The following TMC4 variants were observed in gnomAD, a reference collection of about 807,000 sequenced individuals.
The protein encoded by TMC4 is voltage-gated chloride channel TMC4.
TMC4 carries 70 observed loss-of-function variants against 82.0 expected under a neutral mutation model. That is an observed-to-expected ratio of 0.85 (90% confidence interval 0.70 to 1.04). The LOEUF (loss-of-function observed/expected upper bound fraction) is 1.04, where lower values mean the gene tolerates loss of function less well. TMC4 is among the 50% of genes least tolerant of loss of function. The pLI is 0.00. For missense variants in TMC4, 879 were observed against 899.0 expected (o/e 0.98, Z 0.28); for synonymous variants, 446 against 406.0 (o/e 1.10, Z -1.18).
intron 2 of TMC4, among the ~76,000 whole-genome samples, chr19:54,170,326 A>C: frequency 7.9e-6 from 1 of 125,960 alleles, no homozygotes; most frequent in South Asian, 2.7e-4. Context: ...TCAGAGCAAG[A>C]CTCTGTCAAA....
In TMC4 at chr19:54,161,256, G is replaced by T; in HGVS notation, c.1691C>A (p.Thr564Asn). 6.5e-7 allele frequency: 1 copy of T among 1,532,730 alleles called. No homozygotes were observed. The highest frequency in any genetic ancestry group is 8.8e-7 in the Non-Finnish European group (1 of 1,141,376). 94.9% of individuals were successfully genotyped at this position (1,532,730 alleles called of 1,614,324 possible). The change falls in exon 12 of 15, where the codon ACC (threonine) becomes AAC (asparagine). Residue 564 changes from threonine (T) to asparagine (N), a missense_variant. Transcript: ENST00000619895. ...AGCCGGGGAGCAGGTGGAGAAGAGG[G>T]TAAGCTGGTGGGGGAAGGCACGGAG... ...FLLLFYLKKL[T>N]LFSTCSPAAR...
At chr19:54,169,948 A>C (rs2075844029) in intron 2 of TMC4, among the ~76,000 whole-genome samples, 1 of 151,660 alleles carries the variant, frequency 6.6e-6, no homozygotes, top group South Asian at 2.1e-4. Context: ...AAAAAAAAAA[A>C]AAATTAGCTG....
Position 54,163,970 on chromosome 19 carries a change from TC to T in TMC4, c.1114-84del. On this transcript the variant is annotated intron_variant, in intron 7 of 14. Transcript: ENST00000619895. ...GGTCCTCCCCCCGGCCTCTTCTTCT[TC>T]TTCTTCTTTTTTTTTTTTTTTGAGA... is the stretch of plus-strand genomic sequence containing the variant. The T allele has an allele frequency of 3.0e-6, 4 of 1,349,218 alleles. No homozygotes were observed. In the East Asian group the frequency reaches 9.9e-5, roughly 33 times the overall value. 83.6% of individuals were successfully genotyped at this position (1,349,218 alleles called of 1,614,324 possible). A position where few individuals can be genotyped will look rare whatever the true frequency, so the allele number is the denominator to read the frequency against.
intron 9 of TMC4, 123 bp downstream of exon 9, chr19:54,162,910 C>G: frequency 6.4e-7 from 1 of 1,560,824 alleles, no homozygotes; most frequent in Non-Finnish European, 8.8e-7. Context: ...ACTTTCATAC[C>G]CTTGGGAGAG....
rs763462422 is a variant in TMC4, at chr19:54,160,427, A to C, written c.2052+40T>G. ...CAATCCTCTTCCCCAACCCCTTTCC[A>C]TGTTCCCCAGGGGCCCTCTCAGGGA... On this transcript the variant is annotated intron_variant, in intron 14 of 14. Coordinates refer to ENST00000619895, the MANE Select transcript of TMC4 (RefSeq NM_144686.4). 2.7e-5 allele frequency: 44 copies of C among 1,602,952 alleles called. No individual in the cohort carries two copies. In the East Asian group the frequency reaches 9.6e-4, roughly 35 times the overall value.
In TMC4 at chr19:54,162,806, G is replaced by T. The variant is rs1046427191; in HGVS notation, c.1405-36C>A. The T allele has an allele frequency of 3.1e-6, 5 of 1,594,894 alleles. No individual in the cohort carries two copies. The Middle Eastern group carries it at 6.6e-4, about 212-fold the overall frequency. ...AAGAAATATATCAGAAAGAACTCGG[G>T]ACCCGGGCACCTGGAGGCCCACGCG... On this transcript the variant is annotated intron_variant, in intron 9 of 14. Transcript: ENST00000619895.
At chr19:54,172,606 C>T in intron 1 of TMC4, 1 of 296,910 alleles carries the variant, frequency 3.4e-6, no homozygotes. Context: ...AACCAGGTTC[C>T]CAGCCCCTCC....
At position 54,160,330 on chromosome 19, in the gene TMC4, C is replaced by A; in HGVS notation, c.2097G>T (p.Leu699=). 1 of 1,521,842 alleles carries A rather than the reference C, an allele frequency of 6.6e-7. No homozygotes were observed. Among genetic ancestry groups the A allele is most frequent in the South Asian group, 1.3e-5 (1 of 76,740 alleles). The allele number at this position is 1,521,842 out of a possible 1,614,324, so 94.3% of individuals were successfully genotyped here. The part of the protein sequence containing the change: ...KVFLARRAVA[L]TSTKPAL ...GTCAAAGAGCCGGTTTGGTGGAGGT[C>A]AGCGCCACAGCGCGCCGTGCCAGGA... Residue 699 remains leucine, a synonymous_variant, in exon 15 of 15, where the codon CTG becomes CTT. Transcript: ENST00000619895.
At chr19:54,161,350 C>G (rs1206897756) in intron 11 of TMC4, 90 bp from the exon 12 acceptor site, 1 of 1,311,360 alleles carries the variant, frequency 7.6e-7, no homozygotes, top group Admixed American at 3.7e-5. Flanking sequence ...GACAGAGTCT[C>G]GCTCTGTCGC....
At chr19:54,164,198 C>A (rs537162091) in intron 7 of TMC4, among the ~76,000 whole-genome samples, 16 of 152,048 alleles carry the variant, frequency 1.1e-4, no homozygotes, top group Non-Finnish European at 1.9e-4. Context: ...TGGTCTGGAA[C>A]TCCTGACATC....
In TMC4 at chr19:54,162,086, C is replaced by A. The variant is rs1180706629; in HGVS notation, c.1686+16G>T. ...TACCTCCTGCCTCAGACCCAAGGGT[C>A]CCCCCTACCCCTTACCTTCTTCAGG... is the stretch of plus-strand genomic sequence containing the variant. On this transcript the variant is annotated intron_variant, in intron 11 of 14. Coordinates refer to ENST00000619895, the MANE Select transcript of TMC4 (RefSeq NM_144686.4). 37 of 1,595,326 alleles carry A rather than the reference C, an allele frequency of 2.3e-5. No homozygotes were observed. The highest frequency in any genetic ancestry group is 3.1e-5 in the Non-Finnish European group (36 of 1,171,242).
Position 54,161,316 on chromosome 19 carries a change from ATTTTTTTT to A in TMC4, c.1687-64_1687-57del, listed in dbSNP as rs765095573. Reference sequence around the variant, plus strand: ...CTGAAACACAAGAGTCTGTGCCTCCATTTTTTTTTTTTTTTTTTTTTGAGACAGAGTCT... The same window carrying A: ...CTGAAACACAAGAGTCTGTGCCTCCATTTTTTTTTTTTTGAGACAGAGTCT... On this transcript the variant is annotated intron_variant, in intron 11 of 14. Coordinates refer to ENST00000619895, the MANE Select transcript of TMC4 (RefSeq NM_144686.4). 11 of 1,094,156 alleles carry A rather than the reference ATTTTTTTT, an allele frequency of 1.0e-5. No homozygotes were observed. In the Admixed American group the frequency reaches 2.9e-4, roughly 29 times the overall value. 67.8% of individuals were successfully genotyped at this position (1,094,156 alleles called of 1,614,324 possible).
intron 11 of TMC4, 52 bp downstream of exon 11, chr19:54,162,050 G>GCGGGCCCCAATACCTCCTGCCT (rs1269662695): frequency 4.0e-6 from 6 of 1,498,236 alleles, no homozygotes; most frequent in Admixed American, 2.2e-5. Context: ...ACCCAGGAGT[G>GCGGGCCCCAATACCTCCTGCCT]CGGGCCCCAA....
In TMC4 at chr19:54,163,145, C is replaced by T; in HGVS notation, c.1292G>A (p.Arg431His). Reference sequence around the variant, plus strand: ...GAGCAGGACCACCAGGGAGGCGAGGCGAAGAAACACGGTCCTGAAGGGGGG... The same window carrying T: ...GAGCAGGACCACCAGGGAGGCGAGGTGAAGAAACACGGTCCTGAAGGGGGG... The part of the protein sequence containing the change: ...VFILLRTVFL[R>H]LASLVVLLFS... The change falls in exon 9 of 15, where the codon CGC (arginine) becomes CAC (histidine). Residue 431 changes from arginine to histidine, a missense_variant. By Grantham distance (29) the Arg-to-His change is conservative (BLOSUM62 0). Coordinates refer to ENST00000619895, the MANE Select transcript of TMC4 (RefSeq NM_144686.4). The T allele has an allele frequency of 6.2e-7, 1 of 1,613,782 alleles. No homozygotes were observed. The highest frequency in any genetic ancestry group is 8.5e-7 in the Non-Finnish European group (1 of 1,179,956).
chr19:54,172,420 CCCCGGCG>C (rs2075924451), intron 1 of TMC4, among the ~76,000 whole-genome samples: 13 of 77,348 alleles, frequency 1.7e-4, no homozygotes, highest in Admixed American at 3.4e-4. Context: ...GAGAACAGGC[CCCCGGCG>C]CCTCCTCCCT....
intron 6 of TMC4, 145 bp from the exon 7 acceptor site, chr19:54,164,746 T>A (rs1045809320): frequency 9.2e-7 from 1 of 1,082,880 alleles, no homozygotes; most frequent in African/African-American, 1.6e-5. Context: ...GCAGTCCTGG[T>A]TCCACCTGCT....
In TMC4 at chr19:54,164,457, T is replaced by C; in HGVS notation, c.1090A>G (p.Thr364Ala). 1.2e-6 allele frequency: 2 copies of C among 1,613,676 alleles called. No homozygotes were observed. Among genetic ancestry groups the C allele is most frequent in the South Asian group, 1.1e-5 (1 of 91,046 alleles). The change falls in exon 7 of 15, where the codon ACG becomes GCG. Residue 364 changes from threonine (T) to alanine (A), a missense_variant. Physicochemically the swap from Thr to Ala is moderately conservative, Grantham distance 58. Coordinates refer to ENST00000619895, the MANE Select transcript of TMC4 (RefSeq NM_144686.4). ...ACCTGCAGCTCCACGGTGCACCCCGTAGCCCAGTAGACGCCATAGAAGGCT... is the reference window on the plus strand; with the variant it reads ...ACCTGCAGCTCCACGGTGCACCCCGCAGCCCAGTAGACGCCATAGAAGGCT... ...GAAFYGVYWA[T>A]GCTVELQEMP...
At chr19:54,172,650 T>C (rs2075936320) in intron 1 of TMC4, 2 of 272,326 alleles carry the variant, frequency 7.3e-6, no homozygotes, top group East Asian at 7.4e-5. Flanking sequence ...TGCCAGCCTC[T>C]ACTTCCCCTG....
At chr19:54,164,371 C>T in intron 7 of TMC4, 63 bp downstream of exon 7, 1 of 1,541,894 alleles carries the variant, frequency 6.5e-7, no homozygotes, top group Middle Eastern at 2.2e-4. Flanking sequence ...CCGTCCCCTC[C>T]CTCCACCGTT....
Sources: allele counts gnomAD v4.1 joint callset (sites outside exome capture counted in the v4.1 genomes callset), GRCh38; gene constraint gnomAD v4.1.1; transcripts MANE v1.5; gene names NCBI Gene and HGNC (gene_info 2026-07-23, HGNC 2026-07-21).